PICALM: variants seen among roughly 807,000 people sequenced by gnomAD.
The protein encoded by PICALM is phosphatidylinositol binding clathrin assembly protein.
A neutral mutation model predicts 80.5 loss-of-function variants in PICALM; 40 were observed. The observed-to-expected ratio is 0.50, with a 90% CI of 0.39 to 0.65. The LOEUF is 0.65. PICALM is among the 30% of genes least tolerant of loss of function. The probability of loss-of-function intolerance (pLI) is 0.00; values close to 1 mark genes in which losing one functional copy is unlikely to be tolerated. For synonymous variants in PICALM, 288 were observed against 260.3 expected (o/e 1.11, Z -1.02); for missense variants, 676 against 778.9 (o/e 0.87, Z 1.57).
chr11:86,064,651 T>TAAA (rs11403335), intron 1 of PICALM, among the ~76,000 whole-genome samples: 23 of 127,126 alleles, frequency 1.8e-4, no homozygotes, highest in African/African-American at 2.1e-4. Context: ...CACCTCATTT[T>TAAA]AAAAAAAAAA....
chr11:86,040,616 T>C (rs532434350), intron 1 of PICALM, among the ~76,000 whole-genome samples: 3 of 152,342 alleles, frequency 2.0e-5, no homozygotes, highest in Middle Eastern at 6.8e-3. Flanking sequence ...ATAGGTTAAA[T>C]AAATAAAACT....
chr11:85,981,767 T>C lies in PICALM; in HGVS notation c.1657A>G (p.Ile553Val), dbSNP rs768284766. Reference sequence around the variant, plus strand: ...CACTTCTTAGTGGTTCCATTTCCGATGCCAAGATCTAGGAAAGGAGAAAAA... The same window carrying C: ...CACTTCTTAGTGGTTCCATTTCCGACGCCAAGATCTAGGAAAGGAGAAAAA... ...SLANLVGNLG[I>V]GNGTTKNDVN... Residue 553 changes from isoleucine (I) to valine (V), a missense_variant, in exon 16 of 20, where the codon ATC (isoleucine) becomes GTC (valine). This residue lies in a region of PICALM where 391 missense variants were observed against 383.6 expected (regional missense o/e 1.02). Transcript: ENST00000393346. The C allele has an allele frequency of 2.5e-6, 4 of 1,612,222 alleles. No individual in the cohort carries two copies. The highest frequency in any genetic ancestry group is 2.5e-6 in the Non-Finnish European group (3 of 1,178,294).
intron 11 of PICALM, among the ~76,000 whole-genome samples, chr11:85,999,028 T>A (rs963972445): frequency 6.6e-6 from 1 of 152,256 alleles, no homozygotes; most frequent in African/African-American, 2.4e-5. Context: ...TTGTGATACA[T>A]GCATACCATG....
intron 1 of PICALM, among the ~76,000 whole-genome samples, chr11:86,062,044 A>T (rs2096375169): frequency 6.6e-6 from 1 of 152,216 alleles, no homozygotes; most frequent in African/African-American, 2.4e-5. Flanking sequence ...CAACTATGAC[A>T]TCTTGAAAAG....
intron 1 of PICALM, among the ~76,000 whole-genome samples, chr11:86,040,192 T>C (rs185101097): frequency 6.6e-6 from 1 of 152,104 alleles, no homozygotes; most frequent in Non-Finnish European, 1.5e-5. Context: ...AGGAAAGATG[T>C]TATATAACTT....
chr11:86,007,533 TA>T lies in PICALM; in HGVS notation c.807+8del. On this transcript the variant is annotated splice_region_variant and intron_variant, in intron 8 of 19. Coordinates refer to ENST00000393346, the MANE Select transcript of PICALM (RefSeq NM_007166.4). ...AGATAGTGGATTGGTATTTTAACAA[TA>T]AACTTACCTGTGAAAGGTCTGGTAT... 2 of 1,485,792 alleles carry T rather than the reference TA, an allele frequency of 1.3e-6. No individual in the cohort carries two copies. The highest frequency in any genetic ancestry group is 1.9e-6 in the Non-Finnish European group (2 of 1,068,648). The allele number at this position is 1,485,792 out of a possible 1,614,324, so 92.0% of individuals were successfully genotyped here. A position where few individuals can be genotyped will look rare whatever the true frequency, so the allele number is the denominator to read the frequency against.
intron 4 of PICALM, among the ~76,000 whole-genome samples, chr11:86,019,653 A>G (rs1415255258): frequency 6.6e-6 from 1 of 152,236 alleles, no homozygotes; most frequent in Admixed American, 6.5e-5. Flanking sequence ...AATCTTCTAC[A>G]AAGTGCTTAA....
chr11:85,991,835 T>C (rs756010724), intron 12 of PICALM, among the ~76,000 whole-genome samples: 1 of 152,186 alleles, frequency 6.6e-6, no homozygotes, highest in African/African-American at 2.4e-5. Context: ...TACAAGAAGT[T>C]GCAGGGGGGC....
intron 19 of PICALM, among the ~76,000 whole-genome samples, chr11:85,960,285 A>C (rs1437832354): frequency 1.3e-5 from 2 of 152,208 alleles, no homozygotes; most frequent in African/African-American, 2.4e-5. Context: ...AGGTATATCT[A>C]AACTGGGGGC....
At chr11:86,028,785 C>G (rs2136690765) in intron 2 of PICALM, among the ~76,000 whole-genome samples, 1 of 151,914 alleles carries the variant, frequency 6.6e-6, no homozygotes, top group Middle Eastern at 3.4e-3. Context: ...GACACTGAAT[C>G]AGGTAATTCT....
At chr11:86,012,465 A>T in intron 5 of PICALM, 73 bp from the exon 6 acceptor site, 1 of 832,000 alleles carries the variant, frequency 1.2e-6, no homozygotes, top group Non-Finnish European at 2.0e-6. Context: ...ATTTCCTTCA[A>T]ATTAAGATAC....
At chr11:86,033,443 G>C (rs897602619) in intron 1 of PICALM, among the ~76,000 whole-genome samples, 1 of 151,684 alleles carries the variant, frequency 6.6e-6, no homozygotes, top group African/African-American at 2.4e-5. Context: ...CAGGTGTTTG[G>C]TACTGTTGTT....
intron 1 of PICALM, among the ~76,000 whole-genome samples, chr11:86,058,598 A>G (rs1463966285): frequency 6.6e-6 from 1 of 152,238 alleles, no homozygotes; most frequent in African/African-American, 2.4e-5. Flanking sequence ...TTACTGATTA[A>G]GTAATCTAGA....
chr11:86,068,196 T>C (rs2096473296), intron 1 of PICALM, among the ~76,000 whole-genome samples: 3 of 152,130 alleles, frequency 2.0e-5, no homozygotes, highest in Non-Finnish European at 4.4e-5. Context: ...AGGATCTGGA[T>C]GCAAGGAACC....
intron 17 of PICALM, chr11:85,977,975 A>G: frequency 1.1e-6 from 1 of 908,362 alleles, no homozygotes. Context: ...CTGAATGTGA[A>G]AACAAGTAAT....
At chr11:85,974,867 TAAGTA>T (rs1486372470) in intron 18 of PICALM, 55 bp from the exon 19 acceptor site, 67 of 1,185,098 alleles carry the variant, frequency 5.7e-5, no homozygotes, top group Non-Finnish European at 8.5e-5. Flanking sequence ...TTATTGTGAC[TAAGTA>T]AATAACAATG....
intron 19 of PICALM, among the ~76,000 whole-genome samples, chr11:85,965,401 G>A (rs796158449): frequency 2.6e-5 from 4 of 152,274 alleles, no homozygotes; most frequent in South Asian, 2.1e-4. Flanking sequence ...ATACTGATGT[G>A]TAATCAAAAC....
chr11:86,001,738 A>G (rs1157338761), intron 9 of PICALM, among the ~76,000 whole-genome samples: 1 of 152,218 alleles, frequency 6.6e-6, no homozygotes, highest in Non-Finnish European at 1.5e-5. Flanking sequence ...TTGCCAAACC[A>G]GAATTTCCTT....
chr11:85,959,517 T>TA (rs1173463579), intron 19 of PICALM, among the ~76,000 whole-genome samples: 3 of 149,488 alleles, frequency 2.0e-5, no homozygotes, highest in African/African-American at 7.4e-5. Context: ...CCTGTAATCC[T>TA]AGCTACTCGG....
Sources: allele counts gnomAD v4.1 joint callset (sites outside exome capture counted in the v4.1 genomes callset), GRCh38; gene constraint gnomAD v4.1.1; regional missense constraint gnomAD v4.1.1; transcripts MANE v1.5; gene names NCBI Gene and HGNC (gene_info 2026-07-23, HGNC 2026-07-21).